Variants in APLF observed in about 807,000 individuals in gnomAD.
The protein encoded by APLF is aprataxin and PNKP like factor, also known as aprataxin and PNK-like factor.
APLF carries 61 observed loss-of-function variants against 55.6 expected under a neutral mutation model. That is an observed-to-expected ratio of 1.10 (90% confidence interval 0.89 to 1.36). The LOEUF is 1.36. Ranked by LOEUF, APLF falls within the 40% of genes most tolerant of loss-of-function variation. The pLI is 0.00. For missense variants in APLF, 611 were observed against 602.5 expected (o/e 1.01, Z -0.15); for synonymous variants, 207 against 214.8 (o/e 0.96, Z 0.32).
chr2:68,485,138 A>C (rs886464931), intron 1 of APLF, among the ~76,000 whole-genome samples: 2 of 152,128 alleles, frequency 1.3e-5, no homozygotes, highest in Non-Finnish European at 2.9e-5. Context: ...CTGTGCCATA[A>C]ATTTTAATAT....
At chr2:68,498,918 C>T (rs1042204557) in intron 2 of APLF, among the ~76,000 whole-genome samples, 11 of 151,490 alleles carry the variant, frequency 7.3e-5, no homozygotes, top group African/African-American at 1.9e-4. Flanking sequence ...ACAAAGTTCC[C>T]GAATTGAGAT....
At chr2:68,493,424 G>A (rs1313420993) in intron 2 of APLF, among the ~76,000 whole-genome samples, 4 of 152,056 alleles carry the variant, frequency 2.6e-5, no homozygotes, top group South Asian at 2.1e-4. Flanking sequence ...ATAATATAGG[G>A]AAAAACCCTT....
intron 1 of APLF, among the ~76,000 whole-genome samples, chr2:68,476,881 G>A (rs989552522): frequency 1.3e-5 from 2 of 151,988 alleles, no homozygotes; most frequent in African/African-American, 4.8e-5. Flanking sequence ...GGTTTTGAAC[G>A]GCATAGGTCC....
chr2:68,481,580 G>C (rs758022635), intron 1 of APLF, among the ~76,000 whole-genome samples: 10 of 152,082 alleles, frequency 6.6e-5, no homozygotes, highest in Non-Finnish European at 1.3e-4. Context: ...AAGTGCCTTG[G>C]AGAGGAACTT....
At position 68,528,781 on chromosome 2, in the gene APLF, A is replaced by G. The variant is rs1046956199; in HGVS notation, c.804+2539A>G. On this transcript the variant is annotated intron_variant, in intron 6 of 9. Transcript: ENST00000303795. The stretch of plus-strand genomic sequence containing the variant: ...GGCCCTTGGAGTAGAAACTCACTGC[A>G]TGCACCTGGGCCTTGTCAGTCTGGT... 65 of 1,433,472 alleles carry G rather than the reference A, an allele frequency of 4.5e-5. 1 individual carries two copies. The African/African-American group carries it at 4.9e-4, about 11-fold the overall frequency. 88.8% of individuals were successfully genotyped at this position (1,433,472 alleles called of 1,614,324 possible). A position where few individuals can be genotyped will look rare whatever the true frequency, so the allele number is the denominator to read the frequency against.
At chr2:68,546,164 CCAATAAACTTGA>C (rs1235697439) in intron 8 of APLF, among the ~76,000 whole-genome samples, 2 of 151,756 alleles carry the variant, frequency 1.3e-5, no homozygotes, top group Non-Finnish European at 2.9e-5. Context: ...ATCAACTTTA[CCAATAAACTTGA>C]AAATTTTTGG....
At chr2:68,514,588 A>T (rs1669525382) in intron 5 of APLF, among the ~76,000 whole-genome samples, 1 of 151,722 alleles carries the variant, frequency 6.6e-6, no homozygotes, top group African/African-American at 2.4e-5. Flanking sequence ...TTTAGGAGTC[A>T]GCCAAGAATT....
chr2:68,467,793 G>C lies in APLF; in HGVS notation c.62G>C (p.Gly21Ala), dbSNP rs1675475456. 2 of 1,234,150 alleles carry C rather than the reference G, an allele frequency of 1.6e-6. No individual in the cohort carries two copies. The allele number at this position is 1,234,150 out of a possible 1,614,324, so 76.4% of individuals were successfully genotyped here. The change falls in exon 1 of 10, where the codon GGG (glycine) becomes GCG (alanine). Residue 21 changes from glycine to alanine, a missense_variant. Coordinates refer to ENST00000303795, the MANE Select transcript of APLF (RefSeq NM_173545.3). ...DGGPRVALAP[G>A]ETVIGRGPLL... ...GGTCCCCGGGTGGCCCTGGCGCCCG[G>C]GGAGACGGTGATCGGCCGCGGGCCG...
intron 3 of APLF, 78 bp from the exon 4 acceptor site, chr2:68,513,002 A>G (rs896007655): frequency 6.7e-6 from 9 of 1,348,066 alleles, no homozygotes; most frequent in African/African-American, 4.4e-5. Flanking sequence ...GTAAAGGGAC[A>G]TAACTTAGAT....
intron 5 of APLF, among the ~76,000 whole-genome samples, chr2:68,518,521 A>G (rs1167028902): frequency 2.6e-5 from 3 of 117,074 alleles, no homozygotes; most frequent in Non-Finnish European, 4.8e-5. Flanking sequence ...ATATATTATT[A>G]TATTATATAT....
chr2:68,517,268 GTCATTACTATATAATATATTAATATA>G, intron 5 of APLF, among the ~76,000 whole-genome samples: 1 of 103,234 alleles, frequency 9.7e-6, no homozygotes, highest in Admixed American at 1.0e-4. Context: ...ATTAATATAT[GTCATTACTATATAATATATTAATATA>G]TGTCATTACT....
intron 1 of APLF, among the ~76,000 whole-genome samples, chr2:68,484,416 C>T (rs909921612): frequency 2.6e-5 from 4 of 152,044 alleles, no homozygotes; most frequent in African/African-American, 4.8e-5. Context: ...GGGCTGGGCA[C>T]GGTGGCTCAC....
chr2:68,547,771 C>T (rs554873331), intron 8 of APLF, among the ~76,000 whole-genome samples: 3 of 151,494 alleles, frequency 2.0e-5, no homozygotes, highest in Non-Finnish European at 4.4e-5. Flanking sequence ...GTAAATTACC[C>T]AGTCTCAGGT....
intron 8 of APLF, among the ~76,000 whole-genome samples, chr2:68,564,299 A>G (rs1671240334): frequency 6.6e-6 from 1 of 152,092 alleles, no homozygotes; most frequent in Non-Finnish European, 1.5e-5. Flanking sequence ...TCAAAAGGTC[A>G]AATTTGGGTT....
rs185424489 is a variant in APLF at position 68,538,166 on chromosome 2, C to T, written c.1099C>T (p.Gln367Ter). 1.9e-5 allele frequency: 30 copies of T among 1,613,930 alleles called. No homozygotes were observed. The African/African-American group carries it at 1.9e-4, about 10-fold the overall frequency. Residue 367 changes from glutamine to a stop codon, truncating the protein, a stop_gained, in exon 7 of 10, where the codon CAA becomes TAA. Transcript: ENST00000303795. LOFTEE classifies it high-confidence loss of function. Reference sequence around the variant, plus strand: ...TGCAAAGGCAACTGATTCAGTTCTACAAGGTTCTGAAGGAAACAAGGTCAA... The same window carrying T: ...TGCAAAGGCAACTGATTCAGTTCTATAAGGTTCTGAAGGAAACAAGGTCAA... ...LHAKATDSVL[Q>*]GSEGNKVKRT...
At chr2:68,539,926 G>T (rs992067518) in intron 7 of APLF, among the ~76,000 whole-genome samples, 1 of 152,082 alleles carries the variant, frequency 6.6e-6, no homozygotes, top group African/African-American at 2.4e-5. Flanking sequence ...GAAATAACAT[G>T]TAGAGTAGAA....
intron 3 of APLF, among the ~76,000 whole-genome samples, chr2:68,506,891 A>G (rs1039877580): frequency 5.3e-5 from 8 of 152,060 alleles, no homozygotes; most frequent in Non-Finnish European, 1.0e-4. Flanking sequence ...GAAAAAACCC[A>G]AAAAGGTTAT....
chr2:68,496,556 A>G (rs951643926), intron 2 of APLF, among the ~76,000 whole-genome samples: 1 of 152,150 alleles, frequency 6.6e-6, no homozygotes, highest in Non-Finnish European at 1.5e-5. Context: ...CTATTTGAAT[A>G]TGTGTTGCAA....
At chr2:68,509,411 A>G (rs551264943) in intron 3 of APLF, among the ~76,000 whole-genome samples, 10 of 152,176 alleles carry the variant, frequency 6.6e-5, no homozygotes, top group African/African-American at 2.4e-4. Flanking sequence ...GGTGAAAGAT[A>G]TGAACAGACA....
Sources: allele counts gnomAD v4.1 joint callset (sites outside exome capture counted in the v4.1 genomes callset), GRCh38; gene constraint gnomAD v4.1.1; transcripts MANE v1.5; gene names NCBI Gene and HGNC (gene_info 2026-07-23, HGNC 2026-07-21).